The following KCNAB2 variants were observed in gnomAD, a reference collection of about 807,000 sequenced individuals.
KCNAB2 encodes the protein voltage-gated potassium channel subunit beta-2.
Under a neutral mutation model 63.6 loss-of-function variants are expected in KCNAB2, and 29 were observed. That is an observed-to-expected ratio of 0.46 (90% CI 0.34 to 0.62). KCNAB2 has a LOEUF of 0.62. Ranked by LOEUF, KCNAB2 falls within the 20% of genes least tolerant of loss-of-function variation. The pLI, the probability that KCNAB2 is intolerant of heterozygous loss-of-function variation, is 0.01. For synonymous variants in KCNAB2, 222 were observed against 224.2 expected, an observed-to-expected ratio of 0.99 and a Z score of 0.09; for missense variants, 359 against 563.9, an observed-to-expected ratio of 0.64 and a Z score of 3.68.
In KCNAB2 at chr1:6,099,990, T is replaced by A; in HGVS notation, c.*1416T>A. 1 of 1,545,574 alleles carries A rather than the reference T, an allele frequency of 6.5e-7. No individual in the cohort carries two copies. The highest frequency in any genetic ancestry group is 8.7e-7 in the Non-Finnish European group (1 of 1,144,484). On this transcript the variant is annotated 3_prime_UTR_variant, in exon 16 of 16. Coordinates refer to ENST00000378083, the MANE Select transcript of KCNAB2 (RefSeq NM_001199862.2). ...CAGACCACGCGGGGCAGGGCTCCACTGAAGCCACCCCCACCCCTCGCCAGC... is the reference window on the plus strand; with the variant it reads ...CAGACCACGCGGGGCAGGGCTCCACAGAAGCCACCCCCACCCCTCGCCAGC...
chr1:6,057,425 C>T (rs764071228), intron 2 of KCNAB2, among the ~76,000 whole-genome samples: 7 of 151,952 alleles, frequency 4.6e-5, no homozygotes, highest in Admixed American at 1.3e-4. Flanking sequence ...AAAGGACAGG[C>T]GGGAAGGAGG....
At chr1:6,042,847 C>CG (rs1553122354), upstream of KCNAB2, among the ~76,000 whole-genome samples, 2 of 104,530 alleles carry the variant, frequency 1.9e-5, 1 homozygote, top group South Asian at 1.1e-3. Context: ...CTCCCCACCC[C>CG]CCCCCCCGTT....
rs186234973 is a variant in KCNAB2, at chr1:6,014,094, G to T, written c.-53+21306G>T. ...GGGGCAAAAATTACGCTGAATGAACGCACGGGAAAGCCCTTATCCCGAGGC... is the reference window on the plus strand; with the variant it reads ...GGGGCAAAAATTACGCTGAATGAACTCACGGGAAAGCCCTTATCCCGAGGC... On this transcript the variant is annotated intron_variant, in intron 1 of 16. Coordinates refer to the KCNAB2 transcript ENST00000341524. 1.3e-3 allele frequency among the ~76,000 whole-genome samples: 201 copies of T among 152,304 alleles called. 1 individual carries two copies. Among genetic ancestry groups the T allele is most frequent in the Non-Finnish European group, 2.4e-3 (165 of 68,026 alleles).
chr1:6,011,790 T>C (rs367887124), intron 1 of KCNAB2, among the ~76,000 whole-genome samples: 12 of 151,690 alleles, frequency 7.9e-5, no homozygotes, highest in Admixed American at 3.9e-4. Flanking sequence ...AGCCAACACC[T>C]GGAGCCCAGG....
At chr1:6,025,472 C>G (rs181743276) in intron 1 of KCNAB2, among the ~76,000 whole-genome samples, 1 of 152,198 alleles carries the variant, frequency 6.6e-6, no homozygotes, top group Non-Finnish European at 1.5e-5. Flanking sequence ...GAGGGGCCTC[C>G]CCAAGAAGGA....
At chr1:6,004,845 C>T (rs1328071985) in intron 1 of KCNAB2, among the ~76,000 whole-genome samples, 1 of 151,890 alleles carries the variant, frequency 6.6e-6, no homozygotes, top group Non-Finnish European at 1.5e-5. Flanking sequence ...ACCTCCAGCC[C>T]CGTCTCCCTC....
chr1:6,090,526 G>T, intron 9 of KCNAB2, 51 bp downstream of exon 9: 1 of 1,441,564 alleles, frequency 6.9e-7, no homozygotes, highest in Non-Finnish European at 9.7e-7. Context: ...GGGTCTGAAG[G>T]GTCTGAACCT....
intron 1 of KCNAB2, among the ~76,000 whole-genome samples, chr1:5,996,476 A>ACTCC (rs1656945755): frequency 6.6e-6 from 1 of 152,034 alleles, no homozygotes; most frequent in South Asian, 2.1e-4. Context: ...TCAGGAGGCT[A>ACTCC]CTCCCTGCTC....
At chr1:6,002,936 G>C (rs574197922) in intron 1 of KCNAB2, among the ~76,000 whole-genome samples, 1 of 152,244 alleles carries the variant, frequency 6.6e-6, no homozygotes, top group East Asian at 1.9e-4. Context: ...CCCCTGCTTC[G>C]TCCCCTCCAC....
intron 1 of KCNAB2, chr1:5,992,794 T>C (rs1224702699): frequency 6.6e-6 from 1 of 151,504 alleles, no homozygotes; most frequent in African/African-American, 2.4e-5. Flanking sequence ...CCCAGGTGAG[T>C]ACCGGGGAGA....
chr1:6,038,852 T>C (rs182735400), intron 1 of KCNAB2, among the ~76,000 whole-genome samples: 4 of 152,344 alleles, frequency 2.6e-5, no homozygotes, highest in African/African-American at 4.8e-5. Flanking sequence ...AACAACTTCA[T>C]GGGTTGCTGT....
intron 1 of KCNAB2, among the ~76,000 whole-genome samples, chr1:6,019,507 A>T (rs943067021): frequency 6.6e-6 from 1 of 152,234 alleles, no homozygotes; most frequent in South Asian, 2.1e-4. Flanking sequence ...CAGCACCATT[A>T]AAAGAGAGTG....
At chr1:6,037,020 C>T (rs923652991) in intron 1 of KCNAB2, among the ~76,000 whole-genome samples, 56 of 152,322 alleles carry the variant, frequency 3.7e-4, no homozygotes, top group African/African-American at 1.3e-3. Flanking sequence ...TCTAATGAAA[C>T]TTTATTTACA....
At chr1:6,053,330 G>C (rs1557457872) in intron 2 of KCNAB2, among the ~76,000 whole-genome samples, 1 of 152,176 alleles carries the variant, frequency 6.6e-6, no homozygotes, top group Non-Finnish European at 1.5e-5. Context: ...TGGAGCTGCT[G>C]CATGAACAAG....
upstream of KCNAB2, among the ~76,000 whole-genome samples, chr1:6,045,241 A>C (rs1356470810): frequency 6.6e-6 from 1 of 152,126 alleles, no homozygotes; most frequent in Non-Finnish European, 1.5e-5. The surrounding 1 kb of genome is among the most constrained non-coding windows in gnomAD (Gnocchi z 4.8). Context: ...TTCTGCCTCC[A>C]TTCAAAATCC....
intron 1 of KCNAB2, among the ~76,000 whole-genome samples, chr1:6,014,929 C>T (rs1227665982): frequency 6.6e-6 from 1 of 152,042 alleles, no homozygotes; most frequent in African/African-American, 2.4e-5. Flanking sequence ...GGGGCTCCAG[C>T]CCCCAGAGGA....
chr1:6,078,539 G>A lies in KCNAB2; in HGVS notation c.301-3656G>A, dbSNP rs1663897002. On this transcript the variant is annotated intron_variant, in intron 4 of 15. Coordinates refer to ENST00000378083, the MANE Select transcript of KCNAB2 (RefSeq NM_001199862.2). This position sits in a 1 kb window ranked among gnomAD's most constrained non-coding sequence, Gnocchi z 4.2. ...AGAAAGAGCCTTCGGGGGCCAAGGGGACAACCAAGGCACAGCCCTAAGGCC... is the reference window on the plus strand; with the variant it reads ...AGAAAGAGCCTTCGGGGGCCAAGGGAACAACCAAGGCACAGCCCTAAGGCC... Among the ~76,000 whole-genome samples the A allele has an allele frequency of 6.6e-6, 1 of 152,246 alleles. No homozygotes were observed. Among genetic ancestry groups the A allele is most frequent in the African/African-American group, 2.4e-5 (1 of 41,550 alleles).
At chr1:6,033,021 G>A (rs1404682369), upstream of KCNAB2, among the ~76,000 whole-genome samples, 3 of 152,224 alleles carry the variant, frequency 2.0e-5, no homozygotes, top group Non-Finnish European at 4.4e-5. Flanking sequence ...GTTATTTTTG[G>A]AATAATTGGG....
In KCNAB2 at chr1:6,074,728, G is replaced by A. The variant is rs1299266601; in HGVS notation, c.300+958G>A. On this transcript the variant is annotated intron_variant, in intron 4 of 15. Transcript: ENST00000378083. The surrounding 1 kb of genome is among the most constrained non-coding windows in gnomAD (Gnocchi z 4.9). Reference sequence around the variant, plus strand: ...TAACCCCAGCACTTTGGAAGGCTGGGGCGGGCGGATCACCTGAGGTCAGGA... The same window carrying A: ...TAACCCCAGCACTTTGGAAGGCTGGAGCGGGCGGATCACCTGAGGTCAGGA... 6.6e-6 allele frequency among the ~76,000 whole-genome samples: 1 copy of A among 152,128 alleles called. No homozygotes were observed. Among genetic ancestry groups the A allele is most frequent in the Admixed American group, 6.5e-5 (1 of 15,282 alleles).
Sources: allele counts gnomAD v4.1 joint callset (sites outside exome capture counted in the v4.1 genomes callset), GRCh38; gene constraint gnomAD v4.1.1; non-coding constraint Gnocchi (gnomAD v3.1); transcripts MANE v1.5; gene names NCBI Gene and HGNC (gene_info 2026-07-23, HGNC 2026-07-21).